The following STXBP5 variants were observed in gnomAD, a reference collection of about 807,000 sequenced individuals.
The protein encoded by STXBP5 is syntaxin-binding protein 5.
A neutral mutation model predicts 152.4 loss-of-function variants in STXBP5; 50 were observed. The ratio of observed to expected loss-of-function variants is 0.33; its 90% CI spans 0.26 to 0.42. STXBP5 has a LOEUF of 0.42. Ranked by LOEUF, STXBP5 falls within the 10% of genes least tolerant of loss-of-function variation. The pLI is 1.00. For missense variants in STXBP5, 1,167 were observed against 1,388.6 expected (o/e 0.84, Z 2.54); for synonymous variants, 492 against 494.7 (o/e 0.99, Z 0.07).
At chr6:147,344,834 G>C (rs1784250593) in intron 21 of STXBP5, among the ~76,000 whole-genome samples, 1 of 152,106 alleles carries the variant, frequency 6.6e-6, no homozygotes, top group African/African-American at 2.4e-5. Flanking sequence ...CTTGTATTCG[G>C]TACAGAATTC....
intron 9 of STXBP5, among the ~76,000 whole-genome samples, chr6:147,297,085 A>G (rs1353428768): frequency 6.6e-6 from 1 of 152,190 alleles, no homozygotes; most frequent in Non-Finnish European, 1.5e-5. Context: ...TCAAGTTGGG[A>G]GAGATATGTA....
At chr6:147,258,683 T>C (rs1000922546) in intron 4 of STXBP5, among the ~76,000 whole-genome samples, 2 of 152,196 alleles carry the variant, frequency 1.3e-5, no homozygotes, top group African/African-American at 4.8e-5. Flanking sequence ...TCTGCCTGCC[T>C]TGGCCTCCCA....
chr6:147,350,616 T>C (rs939985541), intron 21 of STXBP5, among the ~76,000 whole-genome samples: 2 of 152,178 alleles, frequency 1.3e-5, no homozygotes, highest in African/African-American at 4.8e-5. Context: ...TCTATACTTT[T>C]GTGCTAAATT....
At chr6:147,207,622 G>A (rs758531845) in intron 2 of STXBP5, among the ~76,000 whole-genome samples, 16 of 152,172 alleles carry the variant, frequency 1.1e-4, no homozygotes, top group Non-Finnish European at 2.1e-4. Context: ...CTGTAGTGAC[G>A]AGACTAGTAC....
At position 147,204,505 on chromosome 6, in the gene STXBP5, C is replaced by T; in HGVS notation, c.-28C>T. 3 of 1,608,118 alleles carry T rather than the reference C, an allele frequency of 1.9e-6. No individual in the cohort carries two copies. Among genetic ancestry groups the T allele is most frequent in the Non-Finnish European group, 2.5e-6 (3 of 1,178,260 alleles). ...CGGGGACCCCCTGTGCCTCCCCTCC[C>T]GGGCTGCGGGGGAGCCCCTCCGAGA... On this transcript the variant is annotated 5_prime_UTR_variant, in exon 1 of 28. Coordinates refer to ENST00000321680, the MANE Select transcript of STXBP5 (RefSeq NM_001127715.4). This position sits in a 1 kb window ranked among gnomAD's most constrained non-coding sequence, Gnocchi z 4.3.
intron 2 of STXBP5, among the ~76,000 whole-genome samples, chr6:147,206,598 C>T (rs961624681): frequency 2.0e-5 from 3 of 151,898 alleles, no homozygotes; most frequent in Non-Finnish European, 2.9e-5. Context: ...ATATTTCTAC[C>T]AGTTTTTAGA....
chr6:147,301,521 T>C lies in STXBP5; in HGVS notation c.918-8563T>C, dbSNP rs113751376. ...CCTTTTTCATGTTACTTTTGGTATG[T>C]CAGTCAAAAAGTTTTAACCTTAAAT... On this transcript the variant is annotated intron_variant, in intron 9 of 27. Transcript: ENST00000321680. 3.7e-4 allele frequency among the ~76,000 whole-genome samples: 56 copies of C among 152,334 alleles called. 1 individual carries two copies. In the South Asian group the frequency reaches 3.7e-3, roughly 10 times the overall value.
chr6:147,271,256 T>G (rs1780153339), intron 7 of STXBP5, among the ~76,000 whole-genome samples: 1 of 152,050 alleles, frequency 6.6e-6, no homozygotes, highest in Admixed American at 6.5e-5. Flanking sequence ...GAAAAAAAGA[T>G]AGATGGAAAA....
chr6:147,216,993 C>T (rs1777202373), intron 2 of STXBP5, among the ~76,000 whole-genome samples: 1 of 152,192 alleles, frequency 6.6e-6, no homozygotes, highest in South Asian at 2.1e-4. Flanking sequence ...CAAATAAGTG[C>T]AGTCTGGAAC....
chr6:147,224,262 C>A (rs1344844833), intron 2 of STXBP5, among the ~76,000 whole-genome samples: 1 of 152,114 alleles, frequency 6.6e-6, no homozygotes, highest in East Asian at 1.9e-4. Context: ...CCTGTCTCTA[C>A]TAAAAATAAA....
At chr6:147,319,828 CTTTTT>C (rs55948948) in intron 16 of STXBP5, among the ~76,000 whole-genome samples, 12 of 71,592 alleles carry the variant, frequency 1.7e-4, no homozygotes, top group Non-Finnish European at 2.7e-4. Context: ...TATCTGGATT[CTTTTT>C]TTTTTTTTTT....
At chr6:147,374,611 G>A (rs550943779) in intron 26 of STXBP5, among the ~76,000 whole-genome samples, 11 of 152,176 alleles carry the variant, frequency 7.2e-5, no homozygotes, top group African/African-American at 2.4e-4. Context: ...CTCAGAAAAC[G>A]TATTTCTAAA....
At chr6:147,361,281 G>T (rs1410365416) in intron 23 of STXBP5, among the ~76,000 whole-genome samples, 1 of 152,068 alleles carries the variant, frequency 6.6e-6, no homozygotes, top group African/African-American at 2.4e-5. Flanking sequence ...AAATGAAAAT[G>T]ACTGAGCGGG....
intron 11 of STXBP5, 94 bp from the exon 12 acceptor site, chr6:147,313,790 T>C: frequency 3.8e-6 from 3 of 784,476 alleles, no homozygotes; most frequent in East Asian, 5.8e-5. Flanking sequence ...ATCTCTATGA[T>C]AGAATGTATG....
chr6:147,278,273 A>G (rs1460532515), intron 8 of STXBP5, 69 bp downstream of exon 8: 2 of 1,395,002 alleles, frequency 1.4e-6, no homozygotes, highest in African/African-American at 2.9e-5. Context: ...TTGAGTTTGC[A>G]TTCTGATTTG....
Position 147,216,745 on chromosome 6 carries a change from T to G in STXBP5, c.248+10677T>G, listed in dbSNP as rs149849485. ...ACATGCTGAGCATATTTCTTTATAT[T>G]TATTGGAGCTATGATTTTAACGTGA... On this transcript the variant is annotated intron_variant, in intron 2 of 27. Coordinates refer to ENST00000321680, the MANE Select transcript of STXBP5 (RefSeq NM_001127715.4). 8.1e-3 allele frequency among the ~76,000 whole-genome samples: 1,233 copies of G among 152,318 alleles called. 20 individuals carry two copies. The highest frequency in any genetic ancestry group is 0.028 in the African/African-American group (1,183 of 41,580).
intron 21 of STXBP5, among the ~76,000 whole-genome samples, chr6:147,347,203 C>T (rs2128402747): frequency 6.6e-6 from 1 of 152,092 alleles, no homozygotes; most frequent in South Asian, 2.1e-4. Context: ...AAAAGAAGGG[C>T]AAATTAAACG....
intron 8 of STXBP5, among the ~76,000 whole-genome samples, chr6:147,285,011 G>A (rs976273383): frequency 6.6e-6 from 1 of 152,018 alleles, no homozygotes; most frequent in Non-Finnish European, 1.5e-5. Context: ...GAAATGGGAA[G>A]AAATGGACAT....
intron 9 of STXBP5, among the ~76,000 whole-genome samples, chr6:147,300,653 T>TA (rs1226819882): frequency 6.6e-6 from 1 of 151,904 alleles, no homozygotes; most frequent in East Asian, 1.9e-4. Context: ...AAAAATCTGC[T>TA]AAAAAATGTA....
Sources: gnomAD v4.1 joint callset for allele counts (sites outside exome capture counted in the v4.1 genomes callset) on GRCh38, gnomAD v4.1.1 for gene constraint, Gnocchi (gnomAD v3.1) non-coding constraint, MANE v1.5 for transcripts, NCBI Gene and HGNC (gene_info 2026-07-23, HGNC 2026-07-21) for gene names.